ENAH: variants seen among roughly 807,000 people sequenced by gnomAD.
The protein encoded by ENAH is ENAH actin regulator, also known as protein enabled homolog.
A neutral mutation model predicts 78.7 loss-of-function variants in ENAH; 23 were observed. The observed-to-expected ratio is 0.29, with a 90% CI of 0.21 to 0.41. The LOEUF is 0.41. Ranked by LOEUF, ENAH falls within the 10% of genes least tolerant of loss-of-function variation. The pLI is 1.00. For synonymous variants in ENAH, 226 were observed against 241.0 expected (o/e 0.94, Z 0.58); for missense variants, 544 against 691.0 (o/e 0.79, Z 2.39).
At chr1:225,568,859 A>G (rs1381876264) in intron 1 of ENAH, among the ~76,000 whole-genome samples, 2 of 152,258 alleles carry the variant, frequency 1.3e-5, no homozygotes, top group African/African-American at 4.8e-5. Context: ...CAACAGGGTT[A>G]TAATTATTTG....
intron 1 of ENAH, among the ~76,000 whole-genome samples, chr1:225,607,669 G>C (rs909480111): frequency 7.9e-5 from 12 of 152,132 alleles, no homozygotes; most frequent in African/African-American, 2.9e-4. Flanking sequence ...GCATTCTGAG[G>C]GAGGTATGAT....
At chr1:225,605,296 G>T (rs919589055) in intron 1 of ENAH, among the ~76,000 whole-genome samples, 5 of 152,288 alleles carry the variant, frequency 3.3e-5, no homozygotes, top group African/African-American at 1.2e-4. Context: ...TTTGGGGAGT[G>T]GGGGAGAGAA....
intron 1 of ENAH, among the ~76,000 whole-genome samples, chr1:225,625,182 T>C (rs1180029876): frequency 2.6e-5 from 4 of 152,208 alleles, no homozygotes; most frequent in African/African-American, 9.7e-5. Context: ...GAATGTTTAG[T>C]TTTAAAAGCT....
At chr1:225,650,778 A>G (rs1224712076) in intron 1 of ENAH, among the ~76,000 whole-genome samples, 1 of 136,304 alleles carries the variant, frequency 7.3e-6, no homozygotes, top group Admixed American at 8.4e-5. Context: ...TGAACCCAGG[A>G]GGCGGAGGTT....
intron 1 of ENAH, among the ~76,000 whole-genome samples, chr1:225,606,076 T>C (rs1163196771): frequency 6.6e-6 from 1 of 152,204 alleles, no homozygotes; most frequent in Non-Finnish European, 1.5e-5. Flanking sequence ...GGATAGATTA[T>C]GCTTAAAATA....
chr1:225,498,995 C>A (rs907800955), intron 12 of ENAH, among the ~76,000 whole-genome samples: 1 of 152,162 alleles, frequency 6.6e-6, no homozygotes, highest in Non-Finnish European at 1.5e-5. Flanking sequence ...TCATATGCAG[C>A]TGCTGAGCCC....
chr1:225,512,841 G>C lies in ENAH; in HGVS notation c.1364+30C>G, dbSNP rs1321293776. 4 of 1,610,926 alleles carry C rather than the reference G, an allele frequency of 2.5e-6. No individual in the cohort carries two copies. The South Asian group carries it at 4.4e-5, about 18-fold the overall frequency. On this transcript the variant is annotated intron_variant, in intron 8 of 13. Transcript: ENST00000366843. ...ATACAATTAAAATCCTCTCAATTCT[G>C]GGCATGTCCATTATAATGAAATTCC...
chr1:225,629,173 G>C (rs776307862), intron 1 of ENAH, among the ~76,000 whole-genome samples: 5 of 152,054 alleles, frequency 3.3e-5, no homozygotes, highest in Non-Finnish European at 5.9e-5. Flanking sequence ...AGCTACTTGG[G>C]AAGCTGGGTC....
intron 1 of ENAH, among the ~76,000 whole-genome samples, chr1:225,604,469 G>GA (rs1575687337): frequency 6.6e-6 from 1 of 151,838 alleles, no homozygotes; most frequent in South Asian, 2.1e-4. Context: ...TTATCCACTA[G>GA]AAAAAAACAA....
chr1:225,504,904 A>T (rs1335342205), intron 11 of ENAH: 1 of 957,438 alleles, frequency 1.0e-6, no homozygotes, highest in Non-Finnish European at 1.6e-6. Context: ...CCTTGTGGTG[A>T]TTACCAATCC....
Position 225,507,900 on chromosome 1 carries a change from A to G in ENAH, c.1538+51T>C, listed in dbSNP as rs78772849. On this transcript the variant is annotated intron_variant, in intron 11 of 13. Transcript: ENST00000366843. ...TTTTTTTCTACACTAAGAATGCATT[A>G]ATTTTTTTTTATACAAATAAAATAT... 990 of 1,334,344 alleles carry G rather than the reference A, an allele frequency of 7.4e-4. 15 individuals carry two copies. In the South Asian group the frequency reaches 0.013, roughly 18 times the overall value. The allele number at this position is 1,334,344 out of a possible 1,614,324, so 82.7% of individuals were successfully genotyped here.
intron 3 of ENAH, among the ~76,000 whole-genome samples, chr1:225,548,848 T>C (rs887278396): frequency 2.5e-4 from 2 of 8,104 alleles, no homozygotes; most frequent in Non-Finnish European, 5.2e-4. Flanking sequence ...AGTGAACAGA[T>C]TTTTTTTTTT....
intron 1 of ENAH, among the ~76,000 whole-genome samples, chr1:225,635,730 AAT>A (rs1659943249): frequency 6.6e-6 from 1 of 152,166 alleles, no homozygotes; most frequent in Non-Finnish European, 1.5e-5. Flanking sequence ...TGGACCCCTT[AAT>A]CCAATATGGC....
chr1:225,591,764 CAAAAAAAAAAA>C lies in ENAH; in HGVS notation c.6-24361_6-24351del, dbSNP rs55680042. On this transcript the variant is annotated intron_variant, in intron 1 of 13. Transcript: ENST00000366843. ...TGGGCGACAGAGACAGACTCCGTCT[CAAAAAAAAAAA>C]AAAAAAAAAAAAAAAGGGCTTCAAA... 5.6e-4 allele frequency among the ~76,000 whole-genome samples: 22 copies of C among 39,506 alleles called. No individual in the cohort carries two copies. In the South Asian group the frequency reaches 0.015, roughly 27 times the overall value. The allele number at this position is 39,506 out of a possible 152,430, so 25.9% of individuals were successfully genotyped here.
Position 225,652,843 on chromosome 1 carries a change from C to G in ENAH, c.-153G>C. ...CGGCGGCCAGGGGGCTACACCATCT[C>G]CTCGCACAAAGCCGAGGCGCCGGCC... On this transcript the variant is annotated 5_prime_UTR_variant, in exon 1 of 14. Transcript: ENST00000366843. 1 of 512,598 alleles carries G rather than the reference C, an allele frequency of 2.0e-6. No homozygotes were observed. Among genetic ancestry groups the G allele is most frequent in the Non-Finnish European group, 3.0e-6 (1 of 329,608 alleles). 31.8% of individuals were successfully genotyped at this position (512,598 alleles called of 1,614,324 possible). A position where few individuals can be genotyped will look rare whatever the true frequency, so the allele number is the denominator to read the frequency against.
At chr1:225,649,726 G>A (rs930586487) in intron 1 of ENAH, among the ~76,000 whole-genome samples, 4 of 152,074 alleles carry the variant, frequency 2.6e-5, no homozygotes, top group East Asian at 1.9e-4. Flanking sequence ...GCCTATGACC[G>A]TTTCAGGAAC....
chr1:225,587,740 T>C (rs1272303170), intron 1 of ENAH, among the ~76,000 whole-genome samples: 1 of 152,182 alleles, frequency 6.6e-6, no homozygotes, highest in Non-Finnish European at 1.5e-5. Context: ...TAATAGTATC[T>C]GATTTCAAGA....
intron 1 of ENAH, among the ~76,000 whole-genome samples, chr1:225,587,651 T>G (rs2096853995): frequency 6.6e-6 from 1 of 152,084 alleles, no homozygotes; most frequent in African/African-American, 2.4e-5. Flanking sequence ...ATTGACAAAC[T>G]AATTATAATA....
intron 3 of ENAH, among the ~76,000 whole-genome samples, chr1:225,551,951 G>A (rs982958059): frequency 6.6e-6 from 1 of 152,104 alleles, no homozygotes; most frequent in African/African-American, 2.4e-5. Context: ...GCAGCCAATT[G>A]GCTGTGAATC....
Sources: gnomAD v4.1 joint callset for allele counts (sites outside exome capture counted in the v4.1 genomes callset) on GRCh38, gnomAD v4.1.1 for gene constraint, MANE v1.5 for transcripts, NCBI Gene and HGNC (gene_info 2026-07-23, HGNC 2026-07-21) for gene names.